USP13: variants seen among roughly 807,000 people sequenced by gnomAD.
USP13 encodes the protein ubiquitin specific peptidase 13.
In USP13, 68 loss-of-function variants were observed where a neutral mutation model predicts 107.8. The ratio of observed to expected loss-of-function variants is 0.63; its 90% CI spans 0.52 to 0.77. The LOEUF is 0.77. Ranked by LOEUF, USP13 falls within the 30% of genes least tolerant of loss-of-function variation. The probability of loss-of-function intolerance (pLI) is 0.00; values close to 1 mark genes in which losing one functional copy is unlikely to be tolerated. For missense variants in USP13, 945 were observed against 1,093.3 expected (o/e 0.86, Z 1.91); for synonymous variants, 377 against 389.5 (o/e 0.97, Z 0.38).
At chr3:179,779,260 G>A (rs570543712) in intron 19 of USP13, among the ~76,000 whole-genome samples, 25 of 151,826 alleles carry the variant, frequency 1.6e-4, no homozygotes, top group Middle Eastern at 3.4e-3. Flanking sequence ...TGGGCCTGGC[G>A]CGGTGGCTCA....
chr3:179,657,616 C>T (rs1576903350), intron 1 of USP13, among the ~76,000 whole-genome samples: 1 of 150,722 alleles, frequency 6.6e-6, no homozygotes, highest in East Asian at 2.0e-4. Flanking sequence ...ATACAAAAAT[C>T]ATCTGGGTGT....
intron 1 of USP13, among the ~76,000 whole-genome samples, chr3:179,680,202 AAAAG>A (rs1553788503): frequency 1.4e-5 from 2 of 146,282 alleles, no homozygotes; most frequent in South Asian, 2.1e-4. Flanking sequence ...AACAACAACA[AAAAG>A]AAAGAGAGAG....
At chr3:179,783,269 T>G (rs1224204081) in intron 20 of USP13, among the ~76,000 whole-genome samples, 1 of 152,088 alleles carries the variant, frequency 6.6e-6, no homozygotes, top group Non-Finnish European at 1.5e-5. Flanking sequence ...ATTGTCTACA[T>G]TTTGATATAC....
intron 8 of USP13, among the ~76,000 whole-genome samples, chr3:179,726,942 G>A (rs1055843315): frequency 1.2e-4 from 18 of 152,118 alleles, no homozygotes; most frequent in East Asian, 3.9e-4. Context: ...GCTTCCAAAA[G>A]TACTGGGATT....
intron 4 of USP13, among the ~76,000 whole-genome samples, chr3:179,705,196 G>C (rs1712669847): frequency 1.3e-5 from 2 of 152,078 alleles, no homozygotes; most frequent in African/African-American, 4.8e-5. Flanking sequence ...TTGGTTCTAG[G>C]GTCAGAAGCC....
At chr3:179,761,414 C>CTTT (rs59210034) in intron 17 of USP13, among the ~76,000 whole-genome samples, 159 bp downstream of exon 17, 37 of 147,816 alleles carry the variant, frequency 2.5e-4, no homozygotes, top group Admixed American at 5.4e-4. Context: ...TTTTCTTCTT[C>CTTT]TTTTTTTTTT....
intron 8 of USP13, among the ~76,000 whole-genome samples, chr3:179,727,241 A>G (rs1713559848): frequency 7.2e-6 from 1 of 139,422 alleles, no homozygotes; most frequent in Admixed American, 7.5e-5. Flanking sequence ...TCACAGGACA[A>G]TAGTGGAGGG....
chr3:179,726,523 A>G (rs1713520733), intron 8 of USP13, among the ~76,000 whole-genome samples: 1 of 152,198 alleles, frequency 6.6e-6, no homozygotes, highest in Admixed American at 6.5e-5. Context: ...TCAGTGTTAA[A>G]GCTGGCTTTG....
intron 10 of USP13, among the ~76,000 whole-genome samples, chr3:179,733,938 A>G (rs769905441): frequency 1.2e-4 from 19 of 152,158 alleles, no homozygotes; most frequent in Non-Finnish European, 2.5e-4. Context: ...TCACCGCATT[A>G]TCCTACTTCC....
chr3:179,726,945 C>T (rs894545685), intron 8 of USP13, among the ~76,000 whole-genome samples: 5 of 151,974 alleles, frequency 3.3e-5, no homozygotes, highest in Non-Finnish European at 7.4e-5. Flanking sequence ...TCCAAAAGTA[C>T]TGGGATTACA....
At chr3:179,706,564 A>G (rs1469898326) in intron 4 of USP13, among the ~76,000 whole-genome samples, 1 of 152,190 alleles carries the variant, frequency 6.6e-6, no homozygotes, top group African/African-American at 2.4e-5. Flanking sequence ...TTATGAGGAA[A>G]ACACACCACT....
Position 179,784,071 on chromosome 3 carries a change from A to G in USP13, c.2522A>G (p.Lys841Arg). 1 of 1,613,398 alleles carries G rather than the reference A, an allele frequency of 6.2e-7. No homozygotes were observed. Among genetic ancestry groups the G allele is most frequent in the Non-Finnish European group, 8.5e-7 (1 of 1,179,812 alleles). The change falls in exon 21 of 21, where the codon AAA becomes AGA. Residue 841 changes from lysine (K) to arginine (R), a missense_variant. Physicochemically the swap from Lys to Arg is conservative, Grantham distance 26. Transcript: ENST00000263966. ...EGRWVIYNDH[K>R]VCASERPPKD... Reference sequence around the variant, plus strand: ...AGATGGGTGATTTACAATGACCACAAAGTTTGTGCCTCAGAAAGGCCCCCT... The same window carrying G: ...AGATGGGTGATTTACAATGACCACAGAGTTTGTGCCTCAGAAAGGCCCCCT...
chr3:179,780,533 AG>A (rs1371219225), intron 19 of USP13, among the ~76,000 whole-genome samples: 4 of 151,922 alleles, frequency 2.6e-5, no homozygotes, highest in African/African-American at 7.3e-5. Context: ...GAGTCTGGAT[AG>A]GGGGGGAAGA....
At position 179,653,133 on chromosome 3, in the gene USP13, G is replaced by A. The variant is rs532749978; in HGVS notation, c.-93G>A. 3.0e-6 allele frequency: 3 copies of A among 988,290 alleles called. No homozygotes were observed. The highest frequency in any genetic ancestry group is 2.4e-6 in the Non-Finnish European group (2 of 830,022). The allele number at this position is 988,290 out of a possible 1,614,324, so 61.2% of individuals were successfully genotyped here. On this transcript the variant is annotated 5_prime_UTR_variant, in exon 1 of 21. Coordinates refer to ENST00000263966, the MANE Select transcript of USP13 (RefSeq NM_003940.3). The surrounding 1 kb of genome is among the most constrained non-coding windows in gnomAD (Gnocchi z 4.0). ...CCGGCTGCCGTTGCCCGCGCAGCCC[G>A]CCCGTCAGCCCGCTCGCTGGCGCCG...
chr3:179,750,326 G>GTATATATATATATATATATATATA (rs569602060), intron 13 of USP13, among the ~76,000 whole-genome samples: 35 of 75,838 alleles, frequency 4.6e-4, no homozygotes, highest in African/African-American at 1.3e-3. Context: ...ATATATGTGT[G>GTATATATATATATATATATATATA]TATATATATA....
At chr3:179,655,574 T>TTTTTTTC (rs1720233176) in intron 1 of USP13, among the ~76,000 whole-genome samples, 1 of 150,200 alleles carries the variant, frequency 6.7e-6, no homozygotes, top group Admixed American at 6.6e-5. Flanking sequence ...TTTGTTTTTT[T>TTTTTTTC]TTTGAGTTTT....
Position 179,787,847 on chromosome 3 carries a change from G to A in USP13, c.*3706G>A, listed in dbSNP as rs1715957663. 1 of 152,112 alleles carries A rather than the reference G, an allele frequency of 6.6e-6. No individual in the cohort carries two copies. The highest frequency in any genetic ancestry group is 6.5e-5 in the Admixed American group (1 of 15,274). The allele number at this position is 152,112 out of a possible 1,614,324, so 9.4% of individuals were successfully genotyped here. Reference sequence around the variant, plus strand: ...GAACTCTTGACCTCAACCTGCCTCAGCCTCCCAAAGTGCTGGGATTACACG... The same window carrying A: ...GAACTCTTGACCTCAACCTGCCTCAACCTCCCAAAGTGCTGGGATTACACG... On this transcript the variant is annotated 3_prime_UTR_variant, in exon 21 of 21. Coordinates refer to ENST00000263966, the MANE Select transcript of USP13 (RefSeq NM_003940.3).
intron 13 of USP13, among the ~76,000 whole-genome samples, chr3:179,749,352 G>T (rs1350544114): frequency 6.6e-6 from 1 of 152,044 alleles, no homozygotes; most frequent in African/African-American, 2.4e-5. Context: ...AAGAAAATTT[G>T]CTGTCTATCT....
At chr3:179,761,708 C>A (rs781670140) in intron 17 of USP13, among the ~76,000 whole-genome samples, 1 of 151,824 alleles carries the variant, frequency 6.6e-6, no homozygotes, top group African/African-American at 2.4e-5. Context: ...AGTGACAGAG[C>A]GAGACTCTGT....
Sources: gnomAD v4.1 joint callset for allele counts (sites outside exome capture counted in the v4.1 genomes callset) on GRCh38, gnomAD v4.1.1 for gene constraint, Gnocchi (gnomAD v3.1) non-coding constraint, MANE v1.5 for transcripts, NCBI Gene and HGNC (gene_info 2026-07-23, HGNC 2026-07-21) for gene names.